Variants in IQCM observed in about 807,000 individuals in gnomAD.
IQCM encodes IQ domain-containing protein M.
In IQCM, 45 loss-of-function variants were observed where a neutral mutation model predicts 57.6. The observed-to-expected ratio is 0.78, with a 90% CI of 0.62 to 1.00. IQCM has a LOEUF of 1.00. Among genes scored for constraint, IQCM ranks in the 50% least tolerant of loss-of-function variants. The probability of loss-of-function intolerance (pLI) is 0.00; values close to 1 mark genes in which losing one functional copy is unlikely to be tolerated. For synonymous variants in IQCM, 148 were observed against 158.9 expected (o/e 0.93, Z 0.51); for missense variants, 468 against 511.6 (o/e 0.91, Z 0.82).
intron 2 of IQCM, among the ~76,000 whole-genome samples, chr4:149,772,300 CAATT>C (rs1429700372): frequency 2.6e-5 from 4 of 151,842 alleles, no homozygotes; most frequent in Non-Finnish European, 4.4e-5. Context: ...TTCAAATGTT[CAATT>C]AATAAGAAAT....
chr4:149,462,798 A>G (rs1002203416), intron 12 of IQCM, among the ~76,000 whole-genome samples: 3 of 152,202 alleles, frequency 2.0e-5, no homozygotes, highest in Non-Finnish European at 2.9e-5. Context: ...GCAAAATTAA[A>G]TCAGAAATTA....
At chr4:149,741,848 T>A (rs1292378342) in intron 3 of IQCM, among the ~76,000 whole-genome samples, 1 of 152,172 alleles carries the variant, frequency 6.6e-6, no homozygotes, top group Non-Finnish European at 1.5e-5. Context: ...CTATGTGAAG[T>A]AATGGATATT....
intron 7 of IQCM, among the ~76,000 whole-genome samples, chr4:149,650,469 T>C (rs1305991682): frequency 6.6e-6 from 1 of 150,842 alleles, no homozygotes; most frequent in Non-Finnish European, 1.5e-5. Context: ...CTTGGTTCAC[T>C]GCAATCTCCA....
chr4:149,473,415 C>G (rs1033439847), intron 12 of IQCM, among the ~76,000 whole-genome samples: 9 of 152,178 alleles, frequency 5.9e-5, no homozygotes, highest in African/African-American at 2.2e-4. Context: ...CATATCAAAA[C>G]CACAATGAGA....
intron 13 of IQCM, among the ~76,000 whole-genome samples, chr4:149,374,259 A>G (rs920645345): frequency 5.3e-5 from 8 of 152,142 alleles, no homozygotes; most frequent in African/African-American, 1.4e-4. Context: ...GTACTTAATT[A>G]TTGTATCCAT....
chr4:149,465,487 T>C (rs1738759687), intron 12 of IQCM, among the ~76,000 whole-genome samples: 2 of 152,242 alleles, frequency 1.3e-5, no homozygotes, highest in Middle Eastern at 6.8e-3. Flanking sequence ...CTGTTGAAAC[T>C]ATCTCCCCAA....
chr4:149,575,151 CAT>C (rs1269078099), intron 9 of IQCM, among the ~76,000 whole-genome samples: 3 of 151,896 alleles, frequency 2.0e-5, no homozygotes, highest in Non-Finnish European at 4.4e-5. Context: ...GAAGTAGAAA[CAT>C]GTGATACTCT....
chr4:149,598,644 C>A (rs1019471569), intron 8 of IQCM, among the ~76,000 whole-genome samples: 1 of 142,842 alleles, frequency 7.0e-6, no homozygotes, highest in African/African-American at 2.4e-5. Flanking sequence ...TACAAAAATT[C>A]TCAACTTTAT....
chr4:149,490,260 C>G (rs911672872), intron 12 of IQCM, among the ~76,000 whole-genome samples: 1 of 151,874 alleles, frequency 6.6e-6, no homozygotes. Flanking sequence ...TATGCAGATA[C>G]ATATGTTTTG....
In IQCM at chr4:149,733,476, A is replaced by G. The variant is rs899259537; in HGVS notation, c.153T>C (p.Phe51=). The change falls in exon 5 of 14, where the codon TTT becomes TTC. Residue 51 remains phenylalanine (F), a synonymous_variant. Transcript: ENST00000636793. ...NKVQGTSINV[F]RKKHQKPKSG... ...ATTTCGGTTTTTGGTGTTTCTTTCTAAAAACATTTATAGAAGTACCTTGAA... is the reference window on the plus strand; with the variant it reads ...ATTTCGGTTTTTGGTGTTTCTTTCTGAAAACATTTATAGAAGTACCTTGAA... 54 of 1,229,594 alleles carry G rather than the reference A, an allele frequency of 4.4e-5. No individual in the cohort carries two copies. Among genetic ancestry groups the G allele is most frequent in the Non-Finnish European group, 5.5e-5 (54 of 985,832 alleles). 76.2% of individuals were successfully genotyped at this position (1,229,594 alleles called of 1,614,324 possible). A position where few individuals can be genotyped will look rare whatever the true frequency, so the allele number is the denominator to read the frequency against.
intron 3 of IQCM, 96 bp from the exon 4 acceptor site, chr4:149,735,554 T>C (rs1766857752): frequency 2.1e-6 from 1 of 471,506 alleles, no homozygotes. Context: ...AATACAATGA[T>C]CTCTTAACAT....
At chr4:149,691,185 A>G (rs544977235) in intron 5 of IQCM, among the ~76,000 whole-genome samples, 1 of 152,306 alleles carries the variant, frequency 6.6e-6, no homozygotes, top group African/African-American at 2.4e-5. Context: ...CCCATAGATT[A>G]AGTACTATTA....
At chr4:149,655,482 G>A (rs1315911840) in intron 7 of IQCM, among the ~76,000 whole-genome samples, 3 of 152,076 alleles carry the variant, frequency 2.0e-5, no homozygotes, top group Non-Finnish European at 4.4e-5. Context: ...AAGAAGATCA[G>A]GCAAGATGTG....
intron 12 of IQCM, among the ~76,000 whole-genome samples, chr4:149,497,564 C>T (rs1742791700): frequency 1.3e-5 from 2 of 151,990 alleles, no homozygotes; most frequent in Admixed American, 6.6e-5. Flanking sequence ...AAAATTTATT[C>T]CCTATTATGA....
intron 13 of IQCM, among the ~76,000 whole-genome samples, chr4:149,426,845 T>G (rs182411865): frequency 2.0e-5 from 3 of 152,026 alleles, no homozygotes; most frequent in African/African-American, 4.8e-5. Flanking sequence ...TGGTAACACC[T>G]GATACACTAT....
chr4:149,610,642 G>T (rs1235722922), intron 8 of IQCM, among the ~76,000 whole-genome samples: 2 of 151,936 alleles, frequency 1.3e-5, no homozygotes, highest in Non-Finnish European at 2.9e-5. Context: ...TCAATAAATG[G>T]TGCTGGGAAA....
intron 12 of IQCM, among the ~76,000 whole-genome samples, chr4:149,464,027 G>C (rs1044658943): frequency 6.6e-6 from 1 of 152,166 alleles, no homozygotes; most frequent in Non-Finnish European, 1.5e-5. Context: ...TAAAAAGTTA[G>C]AGTAAACAGC....
chr4:149,751,448 G>A (rs1372244979), intron 2 of IQCM, among the ~76,000 whole-genome samples: 1 of 152,182 alleles, frequency 6.6e-6, no homozygotes, highest in East Asian at 1.9e-4. Flanking sequence ...CTTAGGCCTT[G>A]AGTAATCAAT....
intron 13 of IQCM, among the ~76,000 whole-genome samples, chr4:149,394,496 G>C (rs930563072): frequency 6.6e-6 from 1 of 151,806 alleles, no homozygotes; most frequent in Non-Finnish European, 1.5e-5. Context: ...GTTGTACTGC[G>C]CCTAATTTAT....
Sources: gnomAD v4.1 joint callset for allele counts (sites outside exome capture counted in the v4.1 genomes callset) on GRCh38, gnomAD v4.1.1 for gene constraint, MANE v1.5 for transcripts, NCBI Gene and HGNC (gene_info 2026-07-23, HGNC 2026-07-21) for gene names.